The following UBE2G1 variants were observed in gnomAD, a reference collection of about 807,000 sequenced individuals.
UBE2G1 encodes the protein ubiquitin-conjugating enzyme E2 G1.
UBE2G1 carries 5 observed loss-of-function variants against 22.7 expected under a neutral mutation model. That is an observed-to-expected ratio of 0.22 (90% CI 0.12 to 0.46). The LOEUF is 0.46. UBE2G1 is among the 20% of genes least tolerant of loss of function. The probability of loss-of-function intolerance (pLI) is 0.99; values close to 1 mark genes in which losing one functional copy is unlikely to be tolerated. For missense variants in UBE2G1, 88 were observed against 203.9 expected, an observed-to-expected ratio of 0.43 and a Z score of 3.46; for synonymous variants, 74 against 67.5, an observed-to-expected ratio of 1.10 and a Z score of -0.47.
chr17:4,307,787 G>A (rs1469073244), intron 1 of UBE2G1, among the ~76,000 whole-genome samples: 4 of 152,140 alleles, frequency 2.6e-5, no homozygotes, highest in African/African-American at 9.7e-5. Context: ...CTGCAGCATC[G>A]TGAGGTTCTC....
intron 1 of UBE2G1, among the ~76,000 whole-genome samples, chr17:4,358,742 A>G (rs757665583): frequency 2.6e-5 from 4 of 152,176 alleles, no homozygotes; most frequent in Non-Finnish European, 5.9e-5. Context: ...ACCTGAGGTC[A>G]GGAGTTCAAG....
chr17:4,280,336 CTTTTTTTTTTTTT>C lies in UBE2G1; in HGVS notation c.*37+2449_*37+2461del, dbSNP rs71144178. 1.1e-3 allele frequency among the ~76,000 whole-genome samples: 76 copies of C among 68,984 alleles called. 1 individual carries two copies. Among genetic ancestry groups the C allele is most frequent in the Non-Finnish European group, 1.8e-3 (69 of 39,040 alleles). The allele number at this position is 68,984 out of a possible 152,430, so 45.3% of individuals were successfully genotyped here. On this transcript the variant is annotated intron_variant, in intron 5 of 5. Transcript: ENST00000396981. ...ACAAGTGTGAGCCGCGGCACCTGGG[CTTTTTTTTTTTTT>C]TTTTTTTTTTTTTTTGAGATGGAGT... is the stretch of plus-strand genomic sequence containing the variant.
At chr17:4,301,151 T>C (rs1230388298) in intron 2 of UBE2G1, among the ~76,000 whole-genome samples, 14 of 152,220 alleles carry the variant, frequency 9.2e-5, no homozygotes, top group Non-Finnish European at 1.9e-4. Context: ...TTGCTCAACA[T>C]TGTTCTATTA....
At chr17:4,347,674 A>C (rs1254614630) in intron 1 of UBE2G1, among the ~76,000 whole-genome samples, 1 of 151,878 alleles carries the variant, frequency 6.6e-6, no homozygotes. Flanking sequence ...ACAGGTTTTC[A>C]CCACGTGGAC....
intron 5 of UBE2G1, among the ~76,000 whole-genome samples, chr17:4,274,131 C>G (rs1462730597): frequency 6.6e-6 from 1 of 151,380 alleles, no homozygotes. Context: ...CAGGCACCCG[C>G]CACCACACCC....
chr17:4,364,464 A>C (rs760679469), intron 1 of UBE2G1: 3 of 136,014 alleles, frequency 2.2e-5, no homozygotes, highest in Non-Finnish European at 4.8e-5. Context: ...TAATTTTTGG[A>C]TTTTTAGTAG....
At chr17:4,284,824 CTTTTCTTTTCTTTCTTTTTTT>C (rs1968940300) in intron 4 of UBE2G1, among the ~76,000 whole-genome samples, 3 of 85,572 alleles carry the variant, frequency 3.5e-5, no homozygotes, top group African/African-American at 1.2e-4. Flanking sequence ...TTTTTCTTTT[CTTTTCTTTTCTTTCTTTTTTT>C]TTTTTTTTTT....
chr17:4,349,948 T>C (rs1246903506), intron 1 of UBE2G1, among the ~76,000 whole-genome samples: 1 of 152,100 alleles, frequency 6.6e-6, no homozygotes, highest in African/African-American at 2.4e-5. Flanking sequence ...CTGTTACTTA[T>C]AGCATACCTA....
intron 1 of UBE2G1, among the ~76,000 whole-genome samples, chr17:4,357,491 T>TTG (rs767999987): frequency 1.6e-4 from 5 of 30,594 alleles, no homozygotes; most frequent in East Asian, 1.2e-3. Context: ...CATCACTCGG[T>TTG]TGTGTGTGTG....
At position 4,282,936 on chromosome 17, in the gene UBE2G1, A is replaced by G. The variant is rs1487946867; in HGVS notation, c.427-15T>C. The G allele has an allele frequency of 6.2e-7, 1 of 1,600,200 alleles. No individual in the cohort carries two copies. The highest frequency in any genetic ancestry group is 1.7e-5 in the Admixed American group (1 of 59,002). On this transcript the variant is annotated splice_polypyrimidine_tract_variant and intron_variant, in intron 4 of 5. Transcript: ENST00000396981. ...CTCCATTCTTTCTGTAGATTAAAAAAGCAGTATCAAGTGATTTCATGCAAA... is the reference window on the plus strand; with the variant it reads ...CTCCATTCTTTCTGTAGATTAAAAAGGCAGTATCAAGTGATTTCATGCAAA...
At position 4,296,055 on chromosome 17, in the gene UBE2G1, A is replaced by G. The variant is rs141587632; in HGVS notation, c.247+662T>C. Among the ~76,000 whole-genome samples, 472 of 151,652 alleles carry G rather than the reference A, an allele frequency of 3.1e-3. 1 individual carries two copies. Among genetic ancestry groups the G allele is most frequent in the African/African-American group, 0.01 (420 of 41,264 alleles). ...TGGTATAAAAATAATATGAAAAACTATAAGTTACAGAACCAGGTTTCATAA... is the reference window on the plus strand; with the variant it reads ...TGGTATAAAAATAATATGAAAAACTGTAAGTTACAGAACCAGGTTTCATAA... On this transcript the variant is annotated intron_variant, in intron 3 of 5. Transcript: ENST00000396981.
intron 1 of UBE2G1, among the ~76,000 whole-genome samples, chr17:4,359,581 TCTG>T (rs1969943621): frequency 6.6e-6 from 1 of 152,178 alleles, no homozygotes; most frequent in Non-Finnish European, 1.5e-5. Flanking sequence ...GATAAAAACT[TCTG>T]ATTAGACCGG....
intron 3 of UBE2G1, among the ~76,000 whole-genome samples, chr17:4,295,039 C>T (rs1049383734): frequency 6.6e-6 from 1 of 152,122 alleles, no homozygotes; most frequent in Non-Finnish European, 1.5e-5. Flanking sequence ...TAGCTTAAGG[C>T]TCCAACAGGG....
At chr17:4,295,543 T>C (rs1373620771) in intron 3 of UBE2G1, among the ~76,000 whole-genome samples, 2 of 152,326 alleles carry the variant, frequency 1.3e-5, no homozygotes, top group African/African-American at 4.8e-5. Context: ...TAAACTAATC[T>C]ATATGTTTCT....
chr17:4,273,807 T>A (rs1434028883), intron 5 of UBE2G1, among the ~76,000 whole-genome samples: 1 of 152,078 alleles, frequency 6.6e-6, no homozygotes, highest in Non-Finnish European at 1.5e-5. Context: ...ACTCAGAAAC[T>A]CTGAATCCAT....
chr17:4,347,469 C>CTTTTTTTTTTT (rs34014821), intron 1 of UBE2G1, among the ~76,000 whole-genome samples: 12 of 89,554 alleles, frequency 1.3e-4, no homozygotes, highest in African/African-American at 1.9e-4. Context: ...AGTATTTCTT[C>CTTTTTTTTTTT]TTTTTTTTTT....
chr17:4,343,162 GGCAC>G (rs1567527999), intron 1 of UBE2G1, among the ~76,000 whole-genome samples: 1 of 152,096 alleles, frequency 6.6e-6, no homozygotes, highest in African/African-American at 2.4e-5. Flanking sequence ...TACAAAAGTA[GGCAC>G]TCAAATATTT....
intron 4 of UBE2G1, among the ~76,000 whole-genome samples, chr17:4,283,468 G>A (rs573754382): frequency 6.6e-6 from 1 of 152,220 alleles, no homozygotes; most frequent in East Asian, 1.9e-4. Context: ...CCACTGCACT[G>A]CAGCCTGGAC....
chr17:4,352,451 G>A (rs1296033870), intron 1 of UBE2G1, among the ~76,000 whole-genome samples: 1 of 152,158 alleles, frequency 6.6e-6, no homozygotes, highest in East Asian at 1.9e-4. Context: ...TCTTGGTTCT[G>A]CTATTGCAAA....
Sources: gnomAD v4.1 joint callset for allele counts (sites outside exome capture counted in the v4.1 genomes callset) on GRCh38, gnomAD v4.1.1 for gene constraint, MANE v1.5 for transcripts, NCBI Gene and HGNC (gene_info 2026-07-23, HGNC 2026-07-21) for gene names.